RBPJ: variants seen among roughly 807,000 people sequenced by gnomAD.
The protein encoded by RBPJ is recombination signal binding protein for immunoglobulin kappa J region.
RBPJ carries 9 observed loss-of-function variants against 67.8 expected under a neutral mutation model. The observed-to-expected ratio is 0.13, with a 90% CI of 0.08 to 0.23. RBPJ has a LOEUF of 0.23. Ranked by LOEUF, RBPJ falls within the 10% of genes least tolerant of loss-of-function variation. RBPJ has a pLI of 1.00. For synonymous variants in RBPJ, 198 were observed against 203.3 expected, an observed-to-expected ratio of 0.97 and a Z score of 0.22; for missense variants, 305 against 595.6, an observed-to-expected ratio of 0.51 and a Z score of 5.08.
chr4:26,139,814 TG>T, the RBPJ span, among the ~76,000 whole-genome samples: 43 of 152,312 alleles, frequency 2.8e-4, no homozygotes, highest in Non-Finnish European at 5.0e-4. Flanking sequence ...CAGAGGCTGT[TG>T]AATTTTCACT....
At chr4:26,209,230 T>C (rs1002256273) in intron 1 of RBPJ, among the ~76,000 whole-genome samples, 2 of 152,070 alleles carry the variant, frequency 1.3e-5, no homozygotes, top group African/African-American at 4.8e-5. Flanking sequence ...ATTAAGTTGG[T>C]ATGGGTGGCT....
chr4:26,193,764 C>T (rs557426935), intron 1 of RBPJ, among the ~76,000 whole-genome samples: 24 of 152,274 alleles, frequency 1.6e-4, no homozygotes, highest in African/African-American at 5.8e-4. Flanking sequence ...CACTGCCTTT[C>T]CTGTTCTCCA....
At chr4:26,232,129 C>T (rs1357017005) in intron 1 of RBPJ, among the ~76,000 whole-genome samples, 1 of 152,078 alleles carries the variant, frequency 6.6e-6, no homozygotes, top group African/African-American at 2.4e-5. Context: ...CTTCTGATCT[C>T]AAATGATCCA....
At chr4:26,243,769 A>G (rs1719727052) in intron 1 of RBPJ, among the ~76,000 whole-genome samples, 1 of 152,146 alleles carries the variant, frequency 6.6e-6, no homozygotes, top group African/African-American at 2.4e-5. Context: ...ATCAAGAAAG[A>G]ATATCCATAT....
rs751525900 is a variant in RBPJ at position 26,210,748 on chromosome 4, TTTCC to T, written c.-167+47138_-167+47141del. Among the ~76,000 whole-genome samples, 630 of 120,102 alleles carry T rather than the reference TTTCC, an allele frequency of 5.2e-3. 8 individuals carry two copies. Among genetic ancestry groups the T allele is most frequent in the Middle Eastern group, 0.024 (6 of 248 alleles). 78.8% of individuals were successfully genotyped at this position (120,102 alleles called of 152,430 possible). A position where few individuals can be genotyped will look rare whatever the true frequency, so the allele number is the denominator to read the frequency against. The stretch of plus-strand genomic sequence containing the variant: ...CTTTCCTTCTTTACTTCTTTCCTTC[TTTCC>T]TTCTTTCTTTCTTTCTTTCTTTCTT... On this transcript the variant is annotated intron_variant, in intron 1 of 4. Transcript: ENST00000512351.
intron 1 of RBPJ, among the ~76,000 whole-genome samples, chr4:26,349,272 A>G (rs976527400): frequency 2.0e-5 from 3 of 151,984 alleles, no homozygotes; most frequent in Admixed American, 6.6e-5. Flanking sequence ...GTGTCTCGCT[A>G]TGTTGCCCAG....
intron 1 of RBPJ, among the ~76,000 whole-genome samples, chr4:26,253,984 G>T (rs1720208190): frequency 6.7e-6 from 1 of 148,844 alleles, no homozygotes; most frequent in African/African-American, 2.6e-5. Flanking sequence ...TTGGAGTTTT[G>T]TTTTACTCAT....
chr4:26,308,289 A>G (rs1481793169), intron 1 of RBPJ, among the ~76,000 whole-genome samples: 1 of 151,736 alleles, frequency 6.6e-6, no homozygotes, highest in Non-Finnish European at 1.5e-5. Context: ...AAAAAAAAAG[A>G]GTTTCTCTAA....
At chr4:26,205,431 T>A (rs1048050896) in intron 1 of RBPJ, among the ~76,000 whole-genome samples, 1 of 152,140 alleles carries the variant, frequency 6.6e-6, no homozygotes, top group Non-Finnish European at 1.5e-5. Flanking sequence ...CTTTTCTTAT[T>A]GCCCTCTCCT....
intron 1 of RBPJ, among the ~76,000 whole-genome samples, chr4:26,291,737 T>C (rs376386371): frequency 6.7e-6 from 1 of 150,210 alleles, no homozygotes; most frequent in African/African-American, 2.5e-5. Context: ...CTGCCATGCC[T>C]GGTTAATTTT....
chr4:26,245,408 C>T (rs1719895402), intron 1 of RBPJ, among the ~76,000 whole-genome samples: 1 of 151,892 alleles, frequency 6.6e-6, no homozygotes, highest in African/African-American at 2.4e-5. Flanking sequence ...GGGGTTTCAC[C>T]ATGTTGGTCA....
chr4:26,257,982 C>G (rs1045811387), intron 1 of RBPJ, among the ~76,000 whole-genome samples: 2 of 152,204 alleles, frequency 1.3e-5, no homozygotes, highest in Non-Finnish European at 2.9e-5. Context: ...GGTATGAGAA[C>G]ATAATCTGTA....
the RBPJ span, among the ~76,000 whole-genome samples, chr4:26,128,127 T>G: frequency 1.3e-5 from 2 of 152,316 alleles, no homozygotes; most frequent in Admixed American, 6.5e-5. Flanking sequence ...CTCATATAGG[T>G]GAGGCTCCCA....
intron 1 of RBPJ, among the ~76,000 whole-genome samples, chr4:26,357,014 A>G (rs1727455352): frequency 6.6e-6 from 1 of 152,190 alleles, no homozygotes; most frequent in Admixed American, 6.5e-5. Context: ...TGGTGAGGAA[A>G]AAGGGAGTAA....
intron 1 of RBPJ, among the ~76,000 whole-genome samples, chr4:26,204,522 C>G (rs1718101375): frequency 6.6e-6 from 1 of 152,156 alleles, no homozygotes; most frequent in Admixed American, 6.6e-5. Flanking sequence ...GGTGGCCCTT[C>G]TAGCCATCCG....
chr4:26,337,237 C>G (rs1296335443), intron 1 of RBPJ, among the ~76,000 whole-genome samples: 1 of 151,720 alleles, frequency 6.6e-6, no homozygotes, highest in Admixed American at 6.6e-5. Context: ...TCCCAAAGTG[C>G]TGGGATTACA....
intron 1 of RBPJ, among the ~76,000 whole-genome samples, chr4:26,336,775 A>T (rs1417984595): frequency 6.6e-6 from 1 of 152,006 alleles, no homozygotes; most frequent in Non-Finnish European, 1.5e-5. Context: ...TTTTCTCCTG[A>T]TAACAAAAAT....
intron 1 of RBPJ, chr4:26,272,555 A>G (rs576482470): frequency 2.6e-6 from 1 of 381,300 alleles, no homozygotes; most frequent in East Asian, 7.3e-5. Flanking sequence ...TGGGTGACAG[A>G]GCAAGACCCT....
intron 1 of RBPJ, among the ~76,000 whole-genome samples, chr4:26,190,099 T>C (rs189059540): frequency 1.9e-3 from 292 of 152,352 alleles, no homozygotes; most frequent in Non-Finnish European, 3.3e-3. Flanking sequence ...TTCCAATACC[T>C]GAATACAGTA....
Sources: gnomAD v4.1 joint callset for allele counts (sites outside exome capture counted in the v4.1 genomes callset) on GRCh38, gnomAD v4.1.1 for gene constraint, MANE v1.5 for transcripts, NCBI Gene and HGNC (gene_info 2026-07-23, HGNC 2026-07-21) for gene names.